Variants in ZNF730 observed in about 807,000 individuals in gnomAD.
The protein encoded by ZNF730 is putative zinc finger protein 730.
A neutral mutation model predicts 12.6 loss-of-function variants in ZNF730; 12 were observed. That is an observed-to-expected ratio of 0.95 (90% confidence interval 0.61 to 1.54). The LOEUF is 1.54. Ranked by LOEUF, ZNF730 falls within the 40% of genes most tolerant of loss-of-function variation. The pLI is 0.00. For synonymous variants in ZNF730, 194 were observed against 195.8 expected, an observed-to-expected ratio of 0.99 and a Z score of 0.08; for missense variants, 643 against 583.5, an observed-to-expected ratio of 1.10 and a Z score of -1.05.
At chr19:23,116,984 C>G (rs1270074536), upstream of ZNF730, 2 of 867,552 alleles carry the variant, frequency 2.3e-6, no homozygotes, top group East Asian at 8.9e-5. Context: ...CAATCAGGCC[C>G]GCAGCTGGAG....
At chr19:23,141,545 A>G (rs1480263116) in intron 3 of ZNF730, among the ~76,000 whole-genome samples, 1 of 152,226 alleles carries the variant, frequency 6.6e-6, no homozygotes, top group Non-Finnish European at 1.5e-5. Flanking sequence ...CCACCTTGTA[A>G]TCTGTAGATT....
chr19:23,110,380 G>A (rs1970448171), intron 1 of ZNF730, among the ~76,000 whole-genome samples: 1 of 142,582 alleles, frequency 7.0e-6, no homozygotes, highest in African/African-American at 2.6e-5. Context: ...AGGTTCAAGC[G>A]ATTCTCCTGC....
intron 1 of ZNF730, among the ~76,000 whole-genome samples, chr19:23,111,970 AT>A (rs1236639399): frequency 2.7e-3 from 392 of 147,126 alleles, no homozygotes; most frequent in Middle Eastern, 3.6e-3. Flanking sequence ...GCTTTAATGC[AT>A]TATGACAAAG....
intron 1 of ZNF730, among the ~76,000 whole-genome samples, chr19:23,109,238 T>C (rs1970431903): frequency 6.6e-6 from 1 of 152,086 alleles, no homozygotes; most frequent in Non-Finnish European, 1.5e-5. Context: ...GTATGAAATT[T>C]CCTTTTTTTT....
intron 1 of ZNF730, among the ~76,000 whole-genome samples, chr19:23,105,547 T>C (rs958543592): frequency 2.0e-5 from 3 of 152,094 alleles, no homozygotes; most frequent in African/African-American, 7.2e-5. Context: ...ATGGCAACCA[T>C]GTAAAGAAAA....
At chr19:23,112,422 T>C (rs1339284356), upstream of ZNF730, among the ~76,000 whole-genome samples, 2 of 152,050 alleles carry the variant, frequency 1.3e-5, no homozygotes, top group Non-Finnish European at 2.9e-5. Context: ...ACATCTTTTA[T>C]AGGTAAAAAA....
At chr19:23,143,193 C>T (rs926485461) in intron 3 of ZNF730, among the ~76,000 whole-genome samples, 2 of 151,530 alleles carry the variant, frequency 1.3e-5, no homozygotes, top group Non-Finnish European at 2.9e-5. Flanking sequence ...TGCAGTGAGC[C>T]GAAATAGTGC....
chr19:23,077,031 C>T (rs774074737), intron 1 of ZNF730, among the ~76,000 whole-genome samples: 54 of 151,988 alleles, frequency 3.6e-4, no homozygotes, highest in Admixed American at 5.9e-4. Flanking sequence ...TCATGTCTTT[C>T]GGAGGAATGT....
intron 1 of ZNF730, among the ~76,000 whole-genome samples, chr19:23,086,831 TG>T (rs1270597322): frequency 6.6e-6 from 1 of 152,232 alleles, no homozygotes; most frequent in African/African-American, 2.4e-5. Flanking sequence ...TCTGTGAGAA[TG>T]TCAATGCTTG....
At position 23,104,301 on chromosome 19, in the gene ZNF730, C is replaced by CAA. The variant is rs56332917; in HGVS notation, c.-94+28933_-94+28934dup. Among the ~76,000 whole-genome samples the CAA allele has an allele frequency of 5.8e-4, 56 of 95,866 alleles. 1 individual carries two copies. The highest frequency in any genetic ancestry group is 1.6e-3 in the East Asian group (5 of 3,178). 62.9% of individuals were successfully genotyped at this position (95,866 alleles called of 152,430 possible). ...TGGGCGACAGAGAGAGACTCCATCT[C>CAA]AAAAAAAAAAAAAAAAAAAATGCAC... On this transcript the variant is annotated intron_variant, in intron 1 of 2. Transcript: ENST00000593635.
At chr19:23,096,540 C>T (rs1406671858) in intron 1 of ZNF730, among the ~76,000 whole-genome samples, 4 of 152,198 alleles carry the variant, frequency 2.6e-5, no homozygotes, top group Non-Finnish European at 4.4e-5. Context: ...ACTCTTCTCT[C>T]ATGCATCGGC....
Position 23,117,025 on chromosome 19 carries a change from G to A in ZNF730, c.-149G>A. The A allele has an allele frequency of 2.5e-6, 3 of 1,202,494 alleles. No homozygotes were observed. The highest frequency in any genetic ancestry group is 1.5e-5 in the African/African-American group (1 of 65,692). The allele number at this position is 1,202,494 out of a possible 1,614,324, so 74.5% of individuals were successfully genotyped here. On this transcript the variant is annotated 5_prime_UTR_variant, in exon 1 of 4. Coordinates refer to ENST00000597761, the MANE Select transcript of ZNF730 (RefSeq NM_001277403.2). ...AGGGCGGCTTCCGGGATTTGGCGCG[G>A]CCTTTGTTTCTCGCTGCCGCCGAAG...
At chr19:23,094,479 A>G (rs1291378189) in intron 1 of ZNF730, among the ~76,000 whole-genome samples, 1 of 109,510 alleles carries the variant, frequency 9.1e-6, no homozygotes, top group African/African-American at 3.2e-5. Flanking sequence ...ATAAGTTTTC[A>G]TTTATTTATT....
At position 23,093,418 on chromosome 19, in the gene ZNF730, T is replaced by C. The variant is rs1165689261; in HGVS notation, c.-94+18031T>C. On this transcript the variant is annotated intron_variant, in intron 1 of 2. Transcript: ENST00000593635. ...ATCTTCTGAGGGCCCGGAAGGGGTT[T>C]GCCTGTGGGCTTTCTAATTGCCGGA... is the stretch of plus-strand genomic sequence containing the variant. Among the ~76,000 whole-genome samples the C allele has an allele frequency of 2.6e-5, 4 of 152,356 alleles. No homozygotes were observed. The East Asian group carries it at 7.7e-4, about 29-fold the overall frequency.
intron 1 of ZNF730, among the ~76,000 whole-genome samples, chr19:23,103,338 T>G (rs953964785): frequency 6.6e-6 from 1 of 152,206 alleles, no homozygotes; most frequent in South Asian, 2.1e-4. Context: ...ACTACATGGT[T>G]TTTCTGTAAA....
chr19:23,141,584 T>C (rs1305279381), intron 3 of ZNF730, among the ~76,000 whole-genome samples: 1 of 152,186 alleles, frequency 6.6e-6, no homozygotes, highest in East Asian at 1.9e-4. Context: ...ACATTTACAA[T>C]ATTAACTATT....
At chr19:23,114,179 T>C (rs565492458), upstream of ZNF730, among the ~76,000 whole-genome samples, 39 of 152,322 alleles carry the variant, frequency 2.6e-4, no homozygotes, top group African/African-American at 9.4e-4. Context: ...TTCACCATCA[T>C]GTTGCTGTGC....
chr19:23,089,353 C>T (rs552108300), intron 1 of ZNF730, among the ~76,000 whole-genome samples: 50 of 152,032 alleles, frequency 3.3e-4, no homozygotes, highest in African/African-American at 1.0e-3. Flanking sequence ...TACAGGTGGG[C>T]GCCTCCATGC....
At chr19:23,138,557 T>C (rs1296183844) in intron 3 of ZNF730, among the ~76,000 whole-genome samples, 3 of 152,080 alleles carry the variant, frequency 2.0e-5, no homozygotes, top group Non-Finnish European at 4.4e-5. Flanking sequence ...GGTTTCAGAG[T>C]AAGTTCAAAA....
Sources: allele counts gnomAD v4.1 joint callset (sites outside exome capture counted in the v4.1 genomes callset), GRCh38; gene constraint gnomAD v4.1.1; transcripts MANE v1.5; gene names NCBI Gene and HGNC (gene_info 2026-07-23, HGNC 2026-07-21).